The following PDE1C variants were observed in gnomAD, a reference collection of about 807,000 sequenced individuals.
The protein encoded by PDE1C is phosphodiesterase 1C.
Under a neutral mutation model 93.1 loss-of-function variants are expected in PDE1C, and 62 were observed. That is an observed-to-expected ratio of 0.67 (90% CI 0.54 to 0.82). The LOEUF (loss-of-function observed/expected upper bound fraction) is 0.82, where lower values mean the gene tolerates loss of function less well. Ranked by LOEUF, PDE1C falls within the 40% of genes least tolerant of loss-of-function variation. The pLI, the probability that PDE1C is intolerant of heterozygous loss-of-function variation, is 0.00. For missense variants in PDE1C, 742 were observed against 884.6 expected (o/e 0.84, Z 2.04); for synonymous variants, 325 against 310.1 (o/e 1.05, Z -0.50).
chr7:32,340,769 A>G (rs1289214409), intron 1 of PDE1C, among the ~76,000 whole-genome samples: 1 of 152,248 alleles, frequency 6.6e-6, no homozygotes, highest in Non-Finnish European at 1.5e-5. Flanking sequence ...TGATTCCAAC[A>G]GTATGACATT....
chr7:31,780,113 C>T (rs987237973), intron 16 of PDE1C, among the ~76,000 whole-genome samples: 12 of 152,128 alleles, frequency 7.9e-5, no homozygotes, highest in Non-Finnish European at 1.5e-4. Context: ...TATGCTGACA[C>T]CTGACCCTTC....
At chr7:32,316,091 G>A (rs1000962438) in intron 1 of PDE1C, among the ~76,000 whole-genome samples, 1 of 152,172 alleles carries the variant, frequency 6.6e-6, no homozygotes, top group Non-Finnish European at 1.5e-5. Context: ...ATTCTCACTA[G>A]ACTGTAAACC....
chr7:31,721,847 A>G, the PDE1C span, among the ~76,000 whole-genome samples: 1 of 152,232 alleles, frequency 6.6e-6, no homozygotes, highest in Non-Finnish European at 1.5e-5. Flanking sequence ...GAAGGAAAAT[A>G]ATATTCCCTG....
In PDE1C at chr7:32,359,669, T is replaced by C. The variant is rs537749077; in HGVS notation, c.310+68153A>G. Among the ~76,000 whole-genome samples the C allele has an allele frequency of 1.2e-3, 184 of 152,366 alleles. 1 individual carries two copies. The highest frequency in any genetic ancestry group is 4.3e-3 in the African/African-American group (179 of 41,588). On this transcript the variant is annotated intron_variant, in intron 1 of 1. Transcript: ENST00000672256. ...TCTATAAATGATCATTCTTTTTACC[T>C]TATTTAAATATAAATTGTATAAATG...
intron 1 of PDE1C, among the ~76,000 whole-genome samples, chr7:32,290,459 T>C (rs575806293): frequency 6.6e-6 from 1 of 152,294 alleles, no homozygotes; most frequent in African/African-American, 2.4e-5. Context: ...TAGAGCACAC[T>C]GGGTTCTTAC....
chr7:32,174,466 G>A (rs1279060992), intron 2 of PDE1C, among the ~76,000 whole-genome samples: 1 of 151,964 alleles, frequency 6.6e-6, no homozygotes, highest in Non-Finnish European at 1.5e-5. Context: ...ACCACAGAGA[G>A]AACATGACAT....
In PDE1C at chr7:32,030,078, AACACACACACACACACACACACAC is replaced by A. The variant is rs376919544; in HGVS notation, c.128+21452_128+21475del. The stretch of plus-strand genomic sequence containing the variant: ...CAAGTTGCTGAAAAATGCATATTAT[AACACACACACACACACACACACAC>A]ACACACACACACACACACACACAAA... On this transcript the variant is annotated intron_variant, in intron 2 of 17. Transcript: ENST00000396191. 1.3e-4 allele frequency among the ~76,000 whole-genome samples: 18 copies of A among 134,082 alleles called. No homozygotes were observed. In the East Asian group the frequency reaches 3.2e-3, roughly 24 times the overall value. The allele number at this position is 134,082 out of a possible 152,430, so 88.0% of individuals were successfully genotyped here.
At chr7:31,949,428 C>G (rs1807067161) in intron 2 of PDE1C, among the ~76,000 whole-genome samples, 1 of 152,056 alleles carries the variant, frequency 6.6e-6, no homozygotes, top group African/African-American at 2.4e-5. Context: ...CCATTGCACT[C>G]CAGTTTGGGC....
At chr7:32,138,599 G>T (rs968145847) in intron 3 of PDE1C, among the ~76,000 whole-genome samples, 1 of 152,046 alleles carries the variant, frequency 6.6e-6, no homozygotes, top group Non-Finnish European at 1.5e-5. Context: ...AAAACAATAA[G>T]GTCAGGGACC....
chr7:31,963,246 T>TA (rs34572576), intron 2 of PDE1C, among the ~76,000 whole-genome samples: 1 of 152,010 alleles, frequency 6.6e-6, no homozygotes, highest in South Asian at 2.1e-4. Flanking sequence ...AAGTCTTATT[T>TA]AAAAAAAAGG....
intron 1 of PDE1C, among the ~76,000 whole-genome samples, chr7:32,309,159 A>G (rs1351740500): frequency 6.6e-6 from 1 of 152,266 alleles, no homozygotes; most frequent in Non-Finnish European, 1.5e-5. Context: ...GTGATGGAAG[A>G]CGAAATGAAT....
intron 15 of PDE1C, among the ~76,000 whole-genome samples, chr7:31,810,361 G>A (rs1411151754): frequency 6.6e-6 from 1 of 152,094 alleles, no homozygotes; most frequent in African/African-American, 2.4e-5. Flanking sequence ...TGGGCCTCCA[G>A]GGAATGTGTA....
the PDE1C span, among the ~76,000 whole-genome samples, chr7:31,685,264 A>C: frequency 6.6e-6 from 1 of 152,200 alleles, no homozygotes; most frequent in Non-Finnish European, 1.5e-5. Context: ...GGAGGTTAGG[A>C]AGGAACGGAG....
intron 2 of PDE1C, among the ~76,000 whole-genome samples, chr7:32,176,987 T>C (rs754355464): frequency 1.8e-4 from 28 of 152,202 alleles, no homozygotes; most frequent in Admixed American, 9.8e-4. Flanking sequence ...GTTTGCTGAA[T>C]GAATTCATAA....
At chr7:31,936,001 G>T (rs1393840965) in intron 2 of PDE1C, among the ~76,000 whole-genome samples, 1 of 152,172 alleles carries the variant, frequency 6.6e-6, no homozygotes, top group Non-Finnish European at 1.5e-5. Flanking sequence ...GAACATAGGA[G>T]GGAATGCCGT....
At chr7:32,139,490 C>G (rs911018324) in intron 3 of PDE1C, among the ~76,000 whole-genome samples, 9 of 151,962 alleles carry the variant, frequency 5.9e-5, no homozygotes, top group Non-Finnish European at 5.9e-5. Flanking sequence ...AATAGCCAGC[C>G]TCATGAGTTA....
chr7:31,826,920 A>ATGGCTTT (rs1789755762), intron 12 of PDE1C, among the ~76,000 whole-genome samples: 1 of 152,194 alleles, frequency 6.6e-6, no homozygotes, highest in African/African-American at 2.4e-5. Context: ...CTAAAGTGCT[A>ATGGCTTT]AAGCAGCCAT....
At chr7:31,652,634 C>G in the PDE1C span, 2 of 1,613,786 alleles carry the variant, frequency 1.2e-6, no homozygotes, top group Non-Finnish European at 1.7e-6. Context: ...CAGGCATGGC[C>G]CCGAGGACTG....
chr7:32,373,230 T>C (rs1395163131), intron 1 of PDE1C, among the ~76,000 whole-genome samples: 1 of 152,230 alleles, frequency 6.6e-6, no homozygotes, highest in South Asian at 2.1e-4. Context: ...TACTGATTAA[T>C]GGATAAACAA....
Sources: allele counts gnomAD v4.1 joint callset (sites outside exome capture counted in the v4.1 genomes callset), GRCh38; gene constraint gnomAD v4.1.1; transcripts MANE v1.5; gene names NCBI Gene and HGNC (gene_info 2026-07-23, HGNC 2026-07-21).